The following ELMO1 variants were observed in gnomAD, a reference collection of about 807,000 sequenced individuals.
The protein encoded by ELMO1 is engulfment and cell motility 1.
Under a neutral mutation model 98.9 loss-of-function variants are expected in ELMO1, and 26 were observed. The ratio of observed to expected loss-of-function variants is 0.26; its 90% CI spans 0.19 to 0.36. The LOEUF is 0.36. Among genes scored for constraint, ELMO1 ranks in the 10% least tolerant of loss-of-function variants. The pLI is 1.00. For missense variants in ELMO1, 627 were observed against 935.2 expected, an observed-to-expected ratio of 0.67 and a Z score of 4.30; for synonymous variants, 346 against 346.0, an observed-to-expected ratio of 1.00 and a Z score of 0.00.
At chr7:37,009,323 C>A (rs1793382483) in intron 16 of ELMO1, among the ~76,000 whole-genome samples, 1 of 152,184 alleles carries the variant, frequency 6.6e-6, no homozygotes, top group Non-Finnish European at 1.5e-5. Context: ...ATGGATTATT[C>A]TGCAGAGTGC....
At chr7:37,166,248 G>C (rs1007779929) in intron 13 of ELMO1, among the ~76,000 whole-genome samples, 1 of 151,932 alleles carries the variant, frequency 6.6e-6, no homozygotes, top group African/African-American at 2.4e-5. Flanking sequence ...TATTAGTCTT[G>C]CTAGCGGTCA....
chr7:37,179,313 T>C (rs1790698104), intron 13 of ELMO1, among the ~76,000 whole-genome samples: 1 of 139,454 alleles, frequency 7.2e-6, no homozygotes, highest in Non-Finnish European at 1.5e-5. Context: ...AGTCTCACAC[T>C]GTCACCCAGG....
intron 16 of ELMO1, among the ~76,000 whole-genome samples, chr7:36,939,702 C>CG (rs1250823513): frequency 6.6e-6 from 1 of 152,064 alleles, no homozygotes; most frequent in Non-Finnish European, 1.5e-5. Context: ...CCTGGGATGG[C>CG]GGGGGGTGCC....
At chr7:37,293,739 TAA>T (rs1209862113) in intron 4 of ELMO1, among the ~76,000 whole-genome samples, 32 of 42,892 alleles carry the variant, frequency 7.5e-4, no homozygotes, top group Admixed American at 9.5e-4. Context: ...ATAATAATAA[TAA>T]AAAAAAAGAG....
In ELMO1 at chr7:36,970,186, C is replaced by T. The variant is rs1471926269; in HGVS notation, c.1437+43113G>A. Among the ~76,000 whole-genome samples the T allele has an allele frequency of 8.3e-3, 725 of 87,218 alleles. 5 individuals are homozygous for T. Among genetic ancestry groups the T allele is most frequent in the African/African-American group, 0.028 (694 of 24,364 alleles). The allele number at this position is 87,218 out of a possible 152,430, so 57.2% of individuals were successfully genotyped here. A position where few individuals can be genotyped will look rare whatever the true frequency, so the allele number is the denominator to read the frequency against. Reference sequence around the variant, plus strand: ...CAAATACATTCATACACTTAACACACACACACACACACACACACACACACA... The same window carrying T: ...CAAATACATTCATACACTTAACACATACACACACACACACACACACACACA... On this transcript the variant is annotated intron_variant, in intron 16 of 21. Transcript: ENST00000310758.
intron 1 of ELMO1, chr7:37,351,199 T>C (rs557268457): frequency 6.6e-6 from 1 of 152,380 alleles, no homozygotes; most frequent in East Asian, 1.9e-4. Context: ...AAGATTAGCA[T>C]GACCCATGTG....
At position 37,391,006 on chromosome 7, in the gene ELMO1, CCCTTCCTTCCTTCCTT is replaced by C. The variant is rs56315543; in HGVS notation, c.-73-48259_-73-48244del. 1.2e-3 allele frequency among the ~76,000 whole-genome samples: 160 copies of C among 130,148 alleles called. 2 individuals carry two copies. Among genetic ancestry groups the C allele is most frequent in the East Asian group, 8.9e-3 (39 of 4,374 alleles). The allele number at this position is 130,148 out of a possible 152,430, so 85.4% of individuals were successfully genotyped here. A position where few individuals can be genotyped will look rare whatever the true frequency, so the allele number is the denominator to read the frequency against. On this transcript the variant is annotated intron_variant, in intron 1 of 21. Coordinates refer to ENST00000310758, the MANE Select transcript of ELMO1 (RefSeq NM_014800.11). Reference sequence around the variant, plus strand: ...ATCAGGTATATTCTGGGAAAGTAGTCCCTTCCTTCCTTCCTTCCTTCCTTCCTTCCTTCCTTCCTTC... The same window carrying C: ...ATCAGGTATATTCTGGGAAAGTAGTCCCTTCCTTCCTTCCTTCCTTCCTTC...
At chr7:37,356,038 T>A (rs1801481143) in intron 1 of ELMO1, among the ~76,000 whole-genome samples, 1 of 152,206 alleles carries the variant, frequency 6.6e-6, no homozygotes, top group Non-Finnish European at 1.5e-5. Context: ...AGCTTTGGCA[T>A]GCTGAGTACT....
At chr7:37,251,133 T>C (rs1455725620) in intron 6 of ELMO1, among the ~76,000 whole-genome samples, 1 of 152,204 alleles carries the variant, frequency 6.6e-6, no homozygotes, top group Non-Finnish European at 1.5e-5. Flanking sequence ...TTTTATGACA[T>C]TGGACTTAAG....
intron 13 of ELMO1, among the ~76,000 whole-genome samples, chr7:37,156,241 A>G (rs548704336): frequency 3.9e-5 from 6 of 152,360 alleles, no homozygotes; most frequent in African/African-American, 1.4e-4. Context: ...CAAAATTGAC[A>G]CCGTAACAAC....
intron 1 of ELMO1, among the ~76,000 whole-genome samples, chr7:37,447,464 T>C (rs1007182438): frequency 2.6e-5 from 4 of 152,022 alleles, no homozygotes; most frequent in East Asian, 3.9e-4. Context: ...CCAGGGACTC[T>C]CAGAGCTGGG....
At chr7:37,367,311 C>G (rs1801944241) in intron 1 of ELMO1, among the ~76,000 whole-genome samples, 1 of 152,204 alleles carries the variant, frequency 6.6e-6, no homozygotes, top group African/African-American at 2.4e-5. Context: ...CCTTTACTCA[C>G]CGCATCACTA....
At chr7:37,267,660 T>C (rs1303746379) in intron 5 of ELMO1, among the ~76,000 whole-genome samples, 1 of 152,242 alleles carries the variant, frequency 6.6e-6, no homozygotes, top group East Asian at 1.9e-4. Flanking sequence ...TTAGATTATC[T>C]AGGACTGTAG....
Position 37,331,790 on chromosome 7 carries a change from A to T in ELMO1, c.78+10823T>A, listed in dbSNP as rs181297028. On this transcript the variant is annotated intron_variant, in intron 2 of 21. Coordinates refer to ENST00000310758, the MANE Select transcript of ELMO1 (RefSeq NM_014800.11). ...ATAAAAAGATGAGGGAGAAAAAAAGAGTCTAAAAGACACAACATGGTGTCA... is the reference window on the plus strand; with the variant it reads ...ATAAAAAGATGAGGGAGAAAAAAAGTGTCTAAAAGACACAACATGGTGTCA... Among the ~76,000 whole-genome samples, 113 of 152,288 alleles carry T rather than the reference A, an allele frequency of 7.4e-4. 1 individual carries two copies. The highest frequency in any genetic ancestry group is 2.6e-3 in the African/African-American group (107 of 41,564).
intron 16 of ELMO1, among the ~76,000 whole-genome samples, chr7:36,934,997 T>C (rs900498095): frequency 6.6e-6 from 1 of 152,220 alleles, no homozygotes; most frequent in Non-Finnish European, 1.5e-5. Flanking sequence ...TCTCCACCAC[T>C]GCAAGTTTTT....
rs1048994511 is a variant in ELMO1 at position 36,855,179 on chromosome 7, G to C, written c.*372C>G. On this transcript the variant is annotated 3_prime_UTR_variant, in exon 22 of 22. Coordinates refer to ENST00000310758, the MANE Select transcript of ELMO1 (RefSeq NM_014800.11). The surrounding 1 kb of genome is among the most constrained non-coding windows in gnomAD (Gnocchi z 4.2). The stretch of plus-strand genomic sequence containing the variant: ...TTGGGGCACTGCCCTTGGTCTGGTG[G>C]GCAAGTTTTTGGGCAGTCTGGGGCT... 1.1e-5 allele frequency: 3 copies of C among 275,860 alleles called. No homozygotes were observed. The highest frequency in any genetic ancestry group is 2.1e-5 in the Non-Finnish European group (3 of 142,204). The allele number at this position is 275,860 out of a possible 1,614,324, so 17.1% of individuals were successfully genotyped here. A position where few individuals can be genotyped will look rare whatever the true frequency, so the allele number is the denominator to read the frequency against.
intron 7 of ELMO1, among the ~76,000 whole-genome samples, chr7:37,236,632 T>G (rs1794480906): frequency 6.6e-6 from 1 of 152,214 alleles, no homozygotes; most frequent in African/African-American, 2.4e-5. Context: ...ATATTCTGTA[T>G]ATAACATATT....
chr7:36,891,519 T>C (rs928216765), intron 17 of ELMO1, among the ~76,000 whole-genome samples: 1 of 152,250 alleles, frequency 6.6e-6, no homozygotes, highest in African/African-American at 2.4e-5. Context: ...GAGAGGCATA[T>C]ATTAATACAA....
At chr7:36,991,099 T>C (rs1278529265) in intron 16 of ELMO1, among the ~76,000 whole-genome samples, 1 of 152,214 alleles carries the variant, frequency 6.6e-6, no homozygotes, top group African/African-American at 2.4e-5. Context: ...GTTTACGACA[T>C]GGCTACGCTG....
Sources: allele counts gnomAD v4.1 joint callset (sites outside exome capture counted in the v4.1 genomes callset), GRCh38; gene constraint gnomAD v4.1.1; non-coding constraint Gnocchi (gnomAD v3.1); transcripts MANE v1.5; gene names NCBI Gene and HGNC (gene_info 2026-07-23, HGNC 2026-07-21).